NRXN1: variants seen among roughly 807,000 people sequenced by gnomAD.
The protein encoded by NRXN1 is neurexin-1.
A neutral mutation model predicts 150.9 loss-of-function variants in NRXN1; 39 were observed. The observed-to-expected ratio is 0.26, with a 90% CI of 0.20 to 0.34. The LOEUF (loss-of-function observed/expected upper bound fraction) is 0.34. Ranked by LOEUF, NRXN1 falls within the 10% of genes least tolerant of loss-of-function variation. The pLI is 1.00. For missense variants in NRXN1, 1,815 were observed against 1,949.9 expected (o/e 0.93, Z 1.30); for synonymous variants, 924 against 757.0 (o/e 1.22, Z -3.62).
chr2:50,581,944 A>C (rs1228837053), intron 8 of NRXN1, among the ~76,000 whole-genome samples: 1 of 152,150 alleles, frequency 6.6e-6, no homozygotes, highest in African/African-American at 2.4e-5. Context: ...AAAAATGTTA[A>C]AAAAGCTATG....
At chr2:50,261,792 T>C (rs1488036986) in intron 17 of NRXN1, among the ~76,000 whole-genome samples, 1 of 151,914 alleles carries the variant, frequency 6.6e-6, no homozygotes, top group African/African-American at 2.4e-5. Flanking sequence ...TAAATTCTCC[T>C]TGTCCTATGT....
At chr2:50,675,396 A>G (rs1689409514) in intron 5 of NRXN1, among the ~76,000 whole-genome samples, 1 of 152,276 alleles carries the variant, frequency 6.6e-6, no homozygotes, top group South Asian at 2.1e-4. Context: ...GATTTCGAGA[A>G]TGACTTAATT....
At chr2:49,970,277 G>C (rs1677723405) in intron 21 of NRXN1, 1 of 152,052 alleles carries the variant, frequency 6.6e-6, no homozygotes, top group Non-Finnish European at 1.5e-5. Context: ...TGGGAAATCT[G>C]AGCTAGTTAC....
chr2:49,920,237 G>GAGA lies in NRXN1; in HGVS notation c.*1704_*1706dup, dbSNP rs1667959713. 6.6e-6 allele frequency: 1 copy of GAGA among 152,140 alleles called. No homozygotes were observed. Among genetic ancestry groups the GAGA allele is most frequent in the African/African-American group, 2.4e-5 (1 of 41,402 alleles). The allele number at this position is 152,140 out of a possible 1,614,324, so 9.4% of individuals were successfully genotyped here. A position where few individuals can be genotyped will look rare whatever the true frequency, so the allele number is the denominator to read the frequency against. ...GTTAAAACATAGTCAATAATTAACA[G>GAGA]AGAATGATTTTTTAAGTGGGTAGTA... On this transcript the variant is annotated 3_prime_UTR_variant, in exon 23 of 23. Coordinates refer to ENST00000401669, the MANE Select transcript of NRXN1 (RefSeq NM_001330078.2).
chr2:50,500,810 G>A (rs371942861), intron 13 of NRXN1, among the ~76,000 whole-genome samples: 65 of 152,272 alleles, frequency 4.3e-4, no homozygotes, highest in Non-Finnish European at 7.1e-4. Context: ...TGTGCTCTGC[G>A]TTAGGTTACA....
chr2:50,318,339 C>T (rs934353012), intron 17 of NRXN1, among the ~76,000 whole-genome samples: 9 of 152,104 alleles, frequency 5.9e-5, no homozygotes, highest in Non-Finnish European at 1.5e-5. Flanking sequence ...AAGTCATCAT[C>T]CCCCAGTGGA....
intron 18 of NRXN1, chr2:50,174,633 A>C (rs983602306): frequency 1.3e-5 from 2 of 152,158 alleles, no homozygotes; most frequent in African/African-American, 4.8e-5. Flanking sequence ...TAGTTCTATC[A>C]CTTATTAGCT....
intron 17 of NRXN1, among the ~76,000 whole-genome samples, chr2:50,307,368 G>A (rs1237410185): frequency 6.6e-6 from 1 of 152,104 alleles, no homozygotes; most frequent in African/African-American, 2.4e-5. Flanking sequence ...TCAAGAAGGA[G>A]CTTAACTTTT....
chr2:50,193,203 A>G (rs1294987257), intron 18 of NRXN1, among the ~76,000 whole-genome samples: 1 of 152,110 alleles, frequency 6.6e-6, no homozygotes, highest in East Asian at 1.9e-4. Flanking sequence ...CCATATCCTC[A>G]TCATCAATAA....
At chr2:50,069,699 A>C (rs2177375) in intron 19 of NRXN1, among the ~76,000 whole-genome samples, 1 of 151,792 alleles carries the variant, frequency 6.6e-6, no homozygotes, top group African/African-American at 2.4e-5. Context: ...TCTTCTTTCC[A>C]CTTTGTGCTA....
intron 16 of NRXN1, among the ~76,000 whole-genome samples, chr2:50,470,100 A>G (rs1050342140): frequency 6.6e-6 from 1 of 151,676 alleles, no homozygotes; most frequent in South Asian, 2.1e-4. Context: ...CTTGTAGGTG[A>G]GAAGTCACAT....
At chr2:50,069,902 G>A (rs571137980) in intron 19 of NRXN1, among the ~76,000 whole-genome samples, 13 of 148,810 alleles carry the variant, frequency 8.7e-5, no homozygotes, top group African/African-American at 3.2e-4. Context: ...CCAGGCTGGA[G>A]TGCAGTGGTG....
intron 17 of NRXN1, among the ~76,000 whole-genome samples, chr2:50,409,745 G>T (rs1032321697): frequency 6.6e-5 from 10 of 152,178 alleles, no homozygotes; most frequent in African/African-American, 2.4e-4. Context: ...ATAGTTACAT[G>T]TATAAGAATG....
At chr2:50,322,958 T>C (rs1043222264) in intron 17 of NRXN1, among the ~76,000 whole-genome samples, 2 of 152,314 alleles carry the variant, frequency 1.3e-5, no homozygotes, top group African/African-American at 4.8e-5. Context: ...TAACTATGAT[T>C]TTGAAAAGTT....
At chr2:50,721,749 T>C (rs1008048508) in intron 5 of NRXN1, among the ~76,000 whole-genome samples, 13 of 152,204 alleles carry the variant, frequency 8.5e-5, no homozygotes, top group Non-Finnish European at 1.9e-4. Flanking sequence ...TTTTACTTCA[T>C]AAAACCCAAT....
chr2:50,278,137 T>A (rs1375205181), intron 17 of NRXN1, among the ~76,000 whole-genome samples: 1 of 137,488 alleles, frequency 7.3e-6, no homozygotes, highest in Non-Finnish European at 1.5e-5. Context: ...GGCAGGATCT[T>A]GGCTCACCAC....
chr2:50,737,813 A>G (rs767597428), intron 5 of NRXN1, among the ~76,000 whole-genome samples: 2 of 152,166 alleles, frequency 1.3e-5, no homozygotes, highest in Non-Finnish European at 2.9e-5. Flanking sequence ...CATTATAAAA[A>G]CACCCACCAC....
rs1396864080 is a variant in NRXN1 at position 50,263,123 on chromosome 2, G to C, written c.3365-26153C>G. Among the ~76,000 whole-genome samples the C allele has an allele frequency of 4.0e-5, 6 of 151,110 alleles. No individual in the cohort carries two copies. In the East Asian group the frequency reaches 1.2e-3, roughly 30 times the overall value. ...CACTAATTGGAGACTACATGGCAAG[G>C]TGATGATCATTTTTACCAAGAGGAA... On this transcript the variant is annotated intron_variant, in intron 17 of 22. Transcript: ENST00000401669.
chr2:50,317,077 A>G (rs1316946276), intron 17 of NRXN1, among the ~76,000 whole-genome samples: 1 of 152,044 alleles, frequency 6.6e-6, no homozygotes, highest in Non-Finnish European at 1.5e-5. Context: ...GTTCAGAGAA[A>G]TATTTTCTGC....
Sources: allele counts gnomAD v4.1 joint callset (sites outside exome capture counted in the v4.1 genomes callset), GRCh38; gene constraint gnomAD v4.1.1; transcripts MANE v1.5; gene names NCBI Gene and HGNC (gene_info 2026-07-23, HGNC 2026-07-21).